The following USP4 variants were observed in gnomAD, a reference collection of about 807,000 sequenced individuals.
USP4 encodes the protein ubiquitin specific peptidase 4.
In USP4, 72 loss-of-function variants were observed where a neutral mutation model predicts 118.2. The ratio of observed to expected loss-of-function variants is 0.61; its 90% CI spans 0.50 to 0.74. The LOEUF (loss-of-function observed/expected upper bound fraction) is 0.74. Among genes scored for constraint, USP4 ranks in the 30% least tolerant of loss-of-function variants. The pLI is 0.00. For missense variants in USP4, 1,037 were observed against 1,185.7 expected (o/e 0.87, Z 1.84); for synonymous variants, 415 against 440.4 (o/e 0.94, Z 0.72).
chr3:49,336,318 T>C (rs774985763), intron 1 of USP4, among the ~76,000 whole-genome samples: 6 of 150,682 alleles, frequency 4.0e-5, no homozygotes, highest in Non-Finnish European at 8.9e-5. Context: ...ATTACAGGCA[T>C]GCATCACCAG....
At chr3:49,308,257 C>A (rs1255329823) in intron 8 of USP4, among the ~76,000 whole-genome samples, 2 of 152,124 alleles carry the variant, frequency 1.3e-5, no homozygotes, top group Non-Finnish European at 2.9e-5. Flanking sequence ...ATGTGACTTA[C>A]GGTGGGGGCT....
chr3:49,320,371 G>A (rs2047485909), intron 6 of USP4, among the ~76,000 whole-genome samples: 1 of 152,188 alleles, frequency 6.6e-6, no homozygotes, highest in Non-Finnish European at 1.5e-5. Flanking sequence ...GAACCTGGGA[G>A]GCAGAGGTTG....
chr3:49,327,891 T>A, intron 2 of USP4, 75 bp from the exon 3 acceptor site: 1 of 1,388,924 alleles, frequency 7.2e-7, no homozygotes, highest in Non-Finnish European at 9.9e-7. Flanking sequence ...TTCCATGTAC[T>A]TTTCAGAAAT....
In USP4 at chr3:49,284,560, A is replaced by G. The variant is rs1359982779; in HGVS notation, c.2296T>C (p.Leu766=). 2.5e-6 allele frequency: 4 copies of G among 1,613,948 alleles called. No homozygotes were observed. The highest frequency in any genetic ancestry group is 3.4e-6 in the Non-Finnish European group (4 of 1,180,012). The change falls in exon 18 of 22, where the codon TTG becomes CTG. Residue 766 remains leucine, a synonymous_variant. Transcript: ENST00000265560. ...GTCTTCTTCTTCTTCTGAGGCTGCA[A>G]CATGCTCACATGCTTCTCGTAGGCC... The part of the protein sequence containing the change: ...SEAYEKHVSM[L]QPQKKKKTTV...
At chr3:49,284,998 A>AT in intron 16 of USP4, 79 bp from the exon 17 acceptor site, 1 of 1,123,172 alleles carries the variant, frequency 8.9e-7, no homozygotes, top group Admixed American at 2.0e-5. Context: ...AGTGAGAAGG[A>AT]CCACACTCAG....
At chr3:49,335,704 C>T in intron 1 of USP4, 108 bp from the exon 2 acceptor site, 22 of 1,310,356 alleles carry the variant, frequency 1.7e-5, no homozygotes, top group Non-Finnish European at 2.1e-5. Flanking sequence ...ATATGCAATA[C>T]CCACTAAAAA....
At chr3:49,338,044 CAAAAAAAAA>C (rs57186354) in intron 1 of USP4, among the ~76,000 whole-genome samples, 8 of 52,024 alleles carry the variant, frequency 1.5e-4, no homozygotes, top group South Asian at 1.2e-3. Flanking sequence ...GACTTCGTCT[CAAAAAAAAA>C]AAAAAAAAAA....
At chr3:49,287,152 CTATT>C (rs1215254823) in intron 15 of USP4, among the ~76,000 whole-genome samples, 4 of 149,796 alleles carry the variant, frequency 2.7e-5, no homozygotes, top group South Asian at 2.1e-4. Flanking sequence ...GCACCTGGCC[CTATT>C]TATTTATTTA....
rs2047069960 is a variant in USP4 at position 49,284,215 on chromosome 3, G to A, written c.2391-79C>T. The stretch of plus-strand genomic sequence containing the variant: ...GGCACTCATGCATGGAGGCACAGCT[G>A]CAGTCCCCTGATAGCTGCCATCCTC... On this transcript the variant is annotated intron_variant, in intron 18 of 21. Coordinates refer to ENST00000265560, the MANE Select transcript of USP4 (RefSeq NM_003363.4). The A allele has an allele frequency of 6.4e-6, 10 of 1,555,308 alleles. No homozygotes were observed. In the Admixed American group the frequency reaches 1.5e-4, roughly 24 times the overall value.
chr3:49,296,407 T>C (rs1236442645), intron 13 of USP4, among the ~76,000 whole-genome samples: 2 of 152,120 alleles, frequency 1.3e-5, no homozygotes, highest in African/African-American at 4.8e-5. Context: ...CCCAGCACTT[T>C]GGGAGGCCAA....
At chr3:49,295,599 T>C (rs529923154) in intron 13 of USP4, among the ~76,000 whole-genome samples, 1 of 152,154 alleles carries the variant, frequency 6.6e-6, no homozygotes, top group East Asian at 1.9e-4. Context: ...CTGGAACAGA[T>C]GTTACCAAAA....
intron 15 of USP4, among the ~76,000 whole-genome samples, chr3:49,290,017 G>A (rs912026400): frequency 6.6e-6 from 1 of 152,196 alleles, no homozygotes; most frequent in African/African-American, 2.4e-5. Context: ...GGCTACTCAG[G>A]TGGATGAGGT....
At chr3:49,310,591 G>C in intron 8 of USP4, 29 bp downstream of exon 8, 1 of 1,580,920 alleles carries the variant, frequency 6.3e-7, no homozygotes, top group Non-Finnish European at 8.7e-7. Context: ...AAGATGCTGT[G>C]TTATTTGAAT....
chr3:49,280,055 G>C (rs1334295977), intron 20 of USP4, among the ~76,000 whole-genome samples: 1 of 151,934 alleles, frequency 6.6e-6, no homozygotes, highest in Admixed American at 6.6e-5. Context: ...TTGAGCCCAG[G>C]AGTTCAAGAC....
chr3:49,314,747 G>A (rs750239050), intron 6 of USP4, among the ~76,000 whole-genome samples: 17 of 152,086 alleles, frequency 1.1e-4, no homozygotes, highest in Admixed American at 3.3e-4. Context: ...AAAATCGGCC[G>A]GGCCTGATGG....
At chr3:49,299,627 C>T (rs1187834531) in intron 11 of USP4, among the ~76,000 whole-genome samples, 2 of 151,554 alleles carry the variant, frequency 1.3e-5, no homozygotes, top group East Asian at 3.9e-4. Flanking sequence ...CTCCTGACCT[C>T]GTGATCTGCC....
At chr3:49,319,119 G>A (rs1438948286) in intron 6 of USP4, among the ~76,000 whole-genome samples, 1 of 149,996 alleles carries the variant, frequency 6.7e-6, no homozygotes, top group Non-Finnish European at 1.5e-5. Context: ...TCCTGCTTGG[G>A]TGACAGAGCA....
At chr3:49,322,794 G>A (rs1373019095) in intron 6 of USP4, among the ~76,000 whole-genome samples, 1 of 151,612 alleles carries the variant, frequency 6.6e-6, no homozygotes, top group Non-Finnish European at 1.5e-5. Context: ...GGGAGTGGGG[G>A]TGCAGTGAGC....
chr3:49,320,489 C>T (rs2047487630), intron 6 of USP4, among the ~76,000 whole-genome samples: 1 of 152,134 alleles, frequency 6.6e-6, no homozygotes, highest in African/African-American at 2.4e-5. Flanking sequence ...CTCTGTCGTC[C>T]AGGCTGGAGT....
Sources: gnomAD v4.1 joint callset for allele counts (sites outside exome capture counted in the v4.1 genomes callset) on GRCh38, gnomAD v4.1.1 for gene constraint, MANE v1.5 for transcripts, NCBI Gene and HGNC (gene_info 2026-07-23, HGNC 2026-07-21) for gene names.